The following ANXA8 variants were observed in gnomAD, a reference collection of about 807,000 sequenced individuals.
The protein encoded by ANXA8 is annexin A8, also known as VAC-beta.
A neutral mutation model predicts 26.8 loss-of-function variants in ANXA8; 9 were observed. The observed-to-expected ratio is 0.34, with a 90% CI of 0.20 to 0.59. ANXA8 has a LOEUF of 0.59. Ranked by LOEUF, ANXA8 falls within the 20% of genes least tolerant of loss-of-function variation. ANXA8 has a pLI of 0.84. For synonymous variants in ANXA8, 39 were observed against 94.8 expected (o/e 0.41, Z 3.42); for missense variants, 83 against 238.5 (o/e 0.35, Z 4.29).
At chr10:47,596,558 C>G in the ANXA8 span, among the ~76,000 whole-genome samples, 1 of 147,230 alleles carries the variant, frequency 6.8e-6, no homozygotes, top group Non-Finnish European at 1.5e-5. Flanking sequence ...AAGAAAAGAT[C>G]CAAATAAGCA....
the ANXA8 span, among the ~76,000 whole-genome samples, chr10:47,937,356 CA>C: frequency 6.7e-6 from 1 of 149,332 alleles, no homozygotes; most frequent in Admixed American, 6.7e-5. Context: ...GGGTTTGAAC[CA>C]GAATATTTTC....
At chr10:47,733,189 C>CTTTCTTTCT in the ANXA8 span, among the ~76,000 whole-genome samples, 2 of 115,910 alleles carry the variant, frequency 1.7e-5, no homozygotes, top group East Asian at 4.7e-4. Flanking sequence ...TTCTTTCTTT[C>CTTTCTTTCT]TTTCTTTCTT....
upstream of ANXA8, among the ~76,000 whole-genome samples, chr10:47,486,233 C>G (rs1425659989): frequency 1.4e-4 from 21 of 151,292 alleles, no homozygotes; most frequent in African/African-American, 5.1e-4. Context: ...GGAAGCAGCT[C>G]AGTGGGGGCC....
At chr10:47,727,118 G>T in the ANXA8 span, among the ~76,000 whole-genome samples, 1 of 152,310 alleles carries the variant, frequency 6.6e-6, no homozygotes, top group African/African-American at 2.4e-5. Flanking sequence ...TAAGTTAGAA[G>T]GTTGACTTGC....
the ANXA8 span, among the ~76,000 whole-genome samples, chr10:47,548,371 G>A: frequency 1.8e-3 from 264 of 145,478 alleles, no homozygotes; most frequent in African/African-American, 6.2e-3. Flanking sequence ...GCACGATCTC[G>A]CCTCACCGCA....
chr10:47,939,207 G>A, the ANXA8 span, among the ~76,000 whole-genome samples: 1 of 144,132 alleles, frequency 6.9e-6, no homozygotes, highest in Non-Finnish European at 1.5e-5. Context: ...GGAGGCTGAG[G>A]CAGGAGAATC....
the ANXA8 span, among the ~76,000 whole-genome samples, chr10:47,974,711 ATCT>A: frequency 6.8e-6 from 1 of 147,310 alleles, no homozygotes; most frequent in Non-Finnish European, 1.5e-5. Flanking sequence ...GTTTTGAGAG[ATCT>A]TCTTGATATT....
chr10:47,528,971 C>A, the ANXA8 span, among the ~76,000 whole-genome samples: 1 of 137,554 alleles, frequency 7.3e-6, no homozygotes, highest in Admixed American at 7.7e-5. Context: ...GTCTGAAGAC[C>A]TAGAAATGTC....
the ANXA8 span, among the ~76,000 whole-genome samples, chr10:47,647,094 T>G: frequency 6.6e-6 from 1 of 152,256 alleles, no homozygotes; most frequent in Admixed American, 6.5e-5. Context: ...TCCATCTGGC[T>G]CAAACATAAA....
chr10:47,975,871 G>A, the ANXA8 span, among the ~76,000 whole-genome samples: 1 of 134,582 alleles, frequency 7.4e-6, no homozygotes, highest in Non-Finnish European at 1.7e-5. Context: ...TCAGTGCAGG[G>A]GAGGACATTC....
chr10:47,940,664 C>T, the ANXA8 span, among the ~76,000 whole-genome samples: 1,361 of 145,350 alleles, frequency 9.4e-3, 9 homozygotes, highest in African/African-American at 0.035. Context: ...ACCGTCTCTA[C>T]TACAAATACA....
At chr10:47,500,408 A>G in the ANXA8 span, among the ~76,000 whole-genome samples, 8 of 146,582 alleles carry the variant, frequency 5.5e-5, no homozygotes, top group South Asian at 1.1e-3. Flanking sequence ...TCCCTCCTGC[A>G]TCACCTATCT....
chr10:47,623,267 C>T, the ANXA8 span, among the ~76,000 whole-genome samples: 34 of 109,310 alleles, frequency 3.1e-4, 9 homozygotes, highest in Middle Eastern at 8.8e-3. Flanking sequence ...TCTAAATGCC[C>T]AATGTTTCCA....
chr10:47,966,078 C>T, the ANXA8 span, among the ~76,000 whole-genome samples: 8 of 142,372 alleles, frequency 5.6e-5, no homozygotes, highest in African/African-American at 2.0e-4. Flanking sequence ...CTGCTGGGTC[C>T]TTAGCCAAGT....
the ANXA8 span, among the ~76,000 whole-genome samples, chr10:47,724,893 A>C: frequency 4.4e-5 from 6 of 137,208 alleles, no homozygotes; most frequent in African/African-American, 1.6e-4. Context: ...GTCTCTATAG[A>C]TTTGTCTGTT....
At chr10:47,509,646 TGTGGAGCTG>T in the ANXA8 span, among the ~76,000 whole-genome samples, 1 of 131,466 alleles carries the variant, frequency 7.6e-6, no homozygotes, top group East Asian at 3.9e-4. Context: ...GGACGGCCCC[TGTGGAGCTG>T]GTGGTGGTGT....
At chr10:47,659,704 C>CA in the ANXA8 span, among the ~76,000 whole-genome samples, 147 of 150,896 alleles carry the variant, frequency 9.7e-4, 1 homozygote, top group African/African-American at 3.2e-3. Flanking sequence ...AGTGTTTTAG[C>CA]AAAAAATGAT....
At chr10:47,552,400 G>T in the ANXA8 span, among the ~76,000 whole-genome samples, 3 of 151,496 alleles carry the variant, frequency 2.0e-5, no homozygotes. Context: ...ACATCGACTG[G>T]ACTAACGAAG....
the ANXA8 span, among the ~76,000 whole-genome samples, chr10:47,521,911 G>T: frequency 6.7e-6 from 1 of 149,880 alleles, no homozygotes; most frequent in African/African-American, 2.5e-5. Flanking sequence ...CTTGTGAGTA[G>T]CTGGAACTAC....
Sources: gnomAD v4.1 joint callset for allele counts (sites outside exome capture counted in the v4.1 genomes callset) on GRCh38, gnomAD v4.1.1 for gene constraint, MANE v1.5 for transcripts, NCBI Gene and HGNC (gene_info 2026-07-23, HGNC 2026-07-21) for gene names.